The following ZNF738 variants were observed in gnomAD, a reference collection of about 807,000 sequenced individuals.
The protein encoded by ZNF738 is zinc finger protein 738.
A neutral mutation model predicts 9.2 loss-of-function variants in ZNF738; 10 were observed. The observed-to-expected ratio is 1.09, with a 90% CI of 0.67 to 1.85. The LOEUF (loss-of-function observed/expected upper bound fraction) is 1.85. Ranked by LOEUF, ZNF738 falls within the 40% of genes most tolerant of loss-of-function variation. The pLI, the probability that ZNF738 is intolerant of heterozygous loss-of-function variation, is 0.00. For synonymous variants in ZNF738, 113 were observed against 94.5 expected (o/e 1.20, Z -1.14); for missense variants, 346 against 283.6 (o/e 1.22, Z -1.58).
At chr19:21,377,078 C>T (rs918252786) in intron 4 of ZNF738, among the ~76,000 whole-genome samples, 2 of 151,898 alleles carry the variant, frequency 1.3e-5, no homozygotes, top group East Asian at 1.9e-4. Context: ...GAGGCCGAGG[C>T]GAGCGGATCA....
chr19:21,362,544 A>G (rs542275456), intron 2 of ZNF738, among the ~76,000 whole-genome samples: 1 of 152,184 alleles, frequency 6.6e-6, no homozygotes, highest in Non-Finnish European at 1.5e-5. Context: ...AGTCAGACAC[A>G]TCTGTTATTT....
rs997897732 is a variant in ZNF738, at chr19:21,369,418, A to AT, written c.97-5814dup. 5.3e-5 allele frequency among the ~76,000 whole-genome samples: 8 copies of AT among 152,066 alleles called. No individual in the cohort carries two copies. The East Asian group carries it at 1.5e-3, about 29-fold the overall frequency. On this transcript the variant is annotated intron_variant, in intron 2 of 4. Coordinates refer to ENST00000683779, the MANE Select transcript of ZNF738 (RefSeq NM_001355237.2). ...GAGCCACCTCATGCTACCATATTAT[A>AT]TTTTTTCAATCTAGTCTACCATCAA...
rs562555390 is a variant in ZNF738 at position 21,387,141 on chromosome 19, C to G, written c.*3467C>G. ...AAAAGAATCATATTGGTGAGAAATC[C>G]TAGAAATGTGAAGAATGTGACAAAG... On this transcript the variant is annotated 3_prime_UTR_variant, in exon 5 of 5. Coordinates refer to ENST00000683779, the MANE Select transcript of ZNF738 (RefSeq NM_001355237.2). 5.2e-5 allele frequency: 8 copies of G among 153,908 alleles called. No individual in the cohort carries two copies. In the East Asian group the frequency reaches 1.5e-3, roughly 30 times the overall value. The allele number at this position is 153,908 out of a possible 1,614,324, so 9.5% of individuals were successfully genotyped here. A position where few individuals can be genotyped will look rare whatever the true frequency, so the allele number is the denominator to read the frequency against.
At chr19:21,382,738 T>G (rs1443081555) in intron 4 of ZNF738, 128 bp from the exon 5 acceptor site, 2 of 180,748 alleles carry the variant, frequency 1.1e-5, no homozygotes, top group East Asian at 1.6e-4. Flanking sequence ...CTATAAAAAA[T>G]TAGGGCCTTT....
At chr19:21,368,524 T>A (rs2358992) in intron 2 of ZNF738, among the ~76,000 whole-genome samples, 8 of 151,942 alleles carry the variant, frequency 5.3e-5, no homozygotes, top group Admixed American at 2.6e-4. Context: ...GCAATGGTGC[T>A]ATCTCGGCTC....
intron 4 of ZNF738, chr19:21,376,522 T>C (rs1297569680): frequency 6.6e-6 from 1 of 152,646 alleles, no homozygotes; most frequent in African/African-American, 2.4e-5. Flanking sequence ...TTGCTTTGGC[T>C]ATTCAAAGTT....
intron 2 of ZNF738, among the ~76,000 whole-genome samples, chr19:21,371,273 A>G (rs1973853278): frequency 1.3e-5 from 2 of 152,244 alleles, no homozygotes; most frequent in African/African-American, 2.4e-5. Flanking sequence ...AGCCTGGCTT[A>G]TCACTGGGCC....
chr19:21,362,862 G>GA (rs1973718463), intron 2 of ZNF738, among the ~76,000 whole-genome samples: 1 of 152,124 alleles, frequency 6.6e-6, no homozygotes, highest in South Asian at 2.1e-4. Context: ...AAAAGAAGAG[G>GA]AAAAATGTCT....
chr19:21,376,073 T>C, intron 4 of ZNF738, 109 bp downstream of exon 4: 1 of 534,732 alleles, frequency 1.9e-6, no homozygotes, highest in Non-Finnish European at 3.4e-6. Context: ...CCAAAGCAAA[T>C]AGATTCTGGG....
intron 4 of ZNF738, chr19:21,379,177 T>C (rs1973976868): frequency 1.3e-5 from 2 of 152,258 alleles, no homozygotes; most frequent in South Asian, 4.1e-4. Context: ...GAGTATTCAA[T>C]TTATTTTGTT....
Position 21,383,188 on chromosome 19 carries a change from C to G in ZNF738, c.642C>G (p.Cys214Trp). The G allele has an allele frequency of 6.3e-7, 1 of 1,586,986 alleles. No individual in the cohort carries two copies. The highest frequency in any genetic ancestry group is 1.1e-5 in the South Asian group (1 of 89,612). ...FKCKKCGKSF[C>W]MLLHLGQHKI... The stretch of plus-strand genomic sequence containing the variant: ...GTAAAAAATGTGGCAAATCATTTTG[C>G]ATGCTTTTACACCTAGGTCAACATA... Residue 214 changes from cysteine (C) to tryptophan (W), a missense_variant, in exon 5 of 5, where the codon TGC (cysteine) becomes TGG (tryptophan). Transcript: ENST00000683779.
rs559523427 is a variant in ZNF738, at chr19:21,375,853, A to G, written c.224-16A>G. 1.3e-5 allele frequency: 10 copies of G among 777,732 alleles called. No individual in the cohort carries two copies. Among genetic ancestry groups the G allele is most frequent in the Admixed American group, 1.0e-4 (6 of 57,842 alleles). The allele number at this position is 777,732 out of a possible 1,614,324, so 48.2% of individuals were successfully genotyped here. A position where few individuals can be genotyped will look rare whatever the true frequency, so the allele number is the denominator to read the frequency against. On this transcript the variant is annotated splice_polypyrimidine_tract_variant and intron_variant, in intron 3 of 4. Transcript: ENST00000683779. ...AATATGAGCAAGATTCATGTTATTTATTTTTAATAAATCAGGTATTGATGT... is the reference window on the plus strand; with the variant it reads ...AATATGAGCAAGATTCATGTTATTTGTTTTTAATAAATCAGGTATTGATGT...
At position 21,384,790 on chromosome 19, in the gene ZNF738, C is replaced by G. The variant is rs1277155754; in HGVS notation, c.*1116C>G. Among the ~76,000 whole-genome samples the G allele has an allele frequency of 6.6e-6, 1 of 152,184 alleles. No homozygotes were observed. The highest frequency in any genetic ancestry group is 1.5e-5 in the Non-Finnish European group (1 of 68,036). ...TGTGGCAAAGCTTATAACTGGTCCTCAAACCTTACTAAACATAAGAAAATT... is the reference window on the plus strand; with the variant it reads ...TGTGGCAAAGCTTATAACTGGTCCTGAAACCTTACTAAACATAAGAAAATT... On this transcript the variant is annotated 3_prime_UTR_variant, in exon 5 of 5. Coordinates refer to ENST00000683779, the MANE Select transcript of ZNF738 (RefSeq NM_001355237.2).
intron 4 of ZNF738, 96 bp downstream of exon 4, chr19:21,376,060 G>C: frequency 1.8e-6 from 1 of 551,890 alleles, no homozygotes; most frequent in South Asian, 2.7e-5. Context: ...GGGAAGCTGT[G>C]TTCCAAAGCA....
intron 2 of ZNF738, among the ~76,000 whole-genome samples, chr19:21,368,741 C>A (rs576641535): frequency 6.6e-6 from 1 of 152,018 alleles, no homozygotes; most frequent in South Asian, 2.1e-4. Flanking sequence ...CAGACAGAAG[C>A]CAAAGCGCCC....
At chr19:21,361,159 C>T (rs748756153) in intron 1 of ZNF738, among the ~76,000 whole-genome samples, 19 of 150,872 alleles carry the variant, frequency 1.3e-4, no homozygotes, top group Non-Finnish European at 2.1e-4. Flanking sequence ...TGTTTTGAGA[C>T]GGAGTTTTGC....
At chr19:21,382,841 A>G (rs1409305642) in intron 4 of ZNF738, 25 bp from the exon 5 acceptor site, 3 of 389,442 alleles carry the variant, frequency 7.7e-6, no homozygotes, top group Non-Finnish European at 1.5e-5. Flanking sequence ...TAAGTGGAGT[A>G]ACTTGATATT....
chr19:21,361,206 C>T lies in ZNF738; in HGVS notation c.4-560C>T, dbSNP rs147379978. Among the ~76,000 whole-genome samples the T allele has an allele frequency of 4.8e-3, 726 of 152,088 alleles. 15 individuals carry two copies. The highest frequency in any genetic ancestry group is 0.042 in the Admixed American group (642 of 15,262). ...AGGCTGGAGTACAGTGGCATGGTCT[C>T]GGCTCACCGCAACTTCTGCCTCCCG... On this transcript the variant is annotated intron_variant, in intron 1 of 4. Transcript: ENST00000683779.
intron 4 of ZNF738, chr19:21,381,728 C>T (rs184899336): frequency 2.7e-5 from 8 of 298,304 alleles, no homozygotes; most frequent in Admixed American, 9.7e-5. Flanking sequence ...CTCCTGACCT[C>T]GTGATCCACC....
Sources: allele counts gnomAD v4.1 joint callset (sites outside exome capture counted in the v4.1 genomes callset), GRCh38; gene constraint gnomAD v4.1.1; transcripts MANE v1.5; gene names NCBI Gene and HGNC (gene_info 2026-07-23, HGNC 2026-07-21).